The following NME7 variants were observed in gnomAD, a reference collection of about 807,000 sequenced individuals.
NME7 encodes NME/NM23 family member 7.
In NME7, 41 loss-of-function variants were observed where a neutral mutation model predicts 49.1. The observed-to-expected ratio is 0.83, with a 90% CI of 0.65 to 1.08. NME7 has a LOEUF of 1.08. NME7 is among the 50% of genes least tolerant of loss of function. The pLI is 0.00. For missense variants in NME7, 423 were observed against 463.4 expected (o/e 0.91, Z 0.80); for synonymous variants, 139 against 150.6 (o/e 0.92, Z 0.56).
intron 7 of NME7, among the ~76,000 whole-genome samples, chr1:169,252,847 G>C (rs1440588021): frequency 1.3e-4 from 20 of 148,270 alleles, no homozygotes; most frequent in Admixed American, 6.1e-4. Context: ...GTTTTTCTCA[G>C]GTTTGTCAAA....
At chr1:169,146,029 A>G (rs980719210) in intron 11 of NME7, among the ~76,000 whole-genome samples, 6 of 152,144 alleles carry the variant, frequency 3.9e-5, no homozygotes, top group Admixed American at 2.0e-4. Flanking sequence ...GCATACCTGT[A>G]ACCATAATAG....
At chr1:169,196,651 A>G (rs1660388636) in intron 10 of NME7, among the ~76,000 whole-genome samples, 1 of 152,190 alleles carries the variant, frequency 6.6e-6, no homozygotes, top group Non-Finnish European at 1.5e-5. Context: ...AATATTTGCA[A>G]CTTCAACTAC....
intron 10 of NME7, among the ~76,000 whole-genome samples, chr1:169,177,213 G>A (rs1659778794): frequency 6.6e-6 from 1 of 152,046 alleles, no homozygotes; most frequent in African/African-American, 2.4e-5. Context: ...ACCCACTCTT[G>A]GCACTTCTAA....
intron 11 of NME7, among the ~76,000 whole-genome samples, chr1:169,141,405 G>A (rs900862831): frequency 2.6e-5 from 4 of 152,092 alleles, no homozygotes; most frequent in African/African-American, 9.7e-5. Flanking sequence ...GATTACCTTG[G>A]GTATTGATAA....
chr1:169,283,123 G>A (rs1303593844), intron 7 of NME7, among the ~76,000 whole-genome samples: 1 of 151,946 alleles, frequency 6.6e-6, no homozygotes, highest in Non-Finnish European at 1.5e-5. Flanking sequence ...TATGAATCTG[G>A]GTGCGCTTGT....
chr1:169,236,548 AT>A (rs1273189214), intron 8 of NME7, among the ~76,000 whole-genome samples: 2 of 152,080 alleles, frequency 1.3e-5, no homozygotes, highest in Non-Finnish European at 2.9e-5. Context: ...ACATTTCTAT[AT>A]TTTTTTAAAT....
chr1:169,308,680 C>A (rs540760268), intron 4 of NME7, among the ~76,000 whole-genome samples: 6 of 152,084 alleles, frequency 3.9e-5, no homozygotes, highest in Non-Finnish European at 5.9e-5. Context: ...CTAAAAAAAA[C>A]TGAAGAGAAG....
chr1:169,211,818 A>C (rs1660829099), intron 10 of NME7, among the ~76,000 whole-genome samples: 1 of 152,164 alleles, frequency 6.6e-6, no homozygotes, highest in South Asian at 2.1e-4. Context: ...CTGACTTGTA[A>C]ATTTGAATTA....
intron 11 of NME7, among the ~76,000 whole-genome samples, chr1:169,166,781 G>T (rs1014474044): frequency 2.0e-5 from 3 of 152,192 alleles, no homozygotes; most frequent in Admixed American, 1.3e-4. Context: ...AGACAGCCTG[G>T]CCAACATGGT....
chr1:169,179,648 C>T (rs570940736), intron 10 of NME7, among the ~76,000 whole-genome samples: 1 of 152,316 alleles, frequency 6.6e-6, no homozygotes, highest in South Asian at 2.1e-4. Flanking sequence ...AGATCATGTC[C>T]ATTGCAGAAA....
intron 1 of NME7, among the ~76,000 whole-genome samples, chr1:169,338,201 TAC>T (rs1407768058): frequency 1.3e-5 from 2 of 152,222 alleles, no homozygotes; most frequent in East Asian, 3.8e-4. Flanking sequence ...TTTAAAAAAT[TAC>T]AGTTTAAAAT....
intron 1 of NME7, among the ~76,000 whole-genome samples, chr1:169,348,364 CA>C (rs35999944): frequency 0.66 from 84,203 of 127,410 alleles, 25,117 homozygotes; most frequent in East Asian, 0.9. Flanking sequence ...CAAAAAAAAG[CA>C]AAAAAAAAAA....
At position 169,152,344 on chromosome 1, in the gene NME7, C is replaced by T. The variant is rs150781964; in HGVS notation, c.1098+17103G>A. On this transcript the variant is annotated intron_variant, in intron 11 of 11. Coordinates refer to ENST00000367811, the MANE Select transcript of NME7 (RefSeq NM_013330.5). ...CTGAGGTAAGTACTATTATTATTCC[C>T]ACCATAAAGATGAGGCAATTCAGGC... Among the ~76,000 whole-genome samples, 329 of 152,206 alleles carry T rather than the reference C, an allele frequency of 2.2e-3. 6 individuals are homozygous for T. The highest frequency in any genetic ancestry group is 0.017 in the Admixed American group (261 of 15,296).
At chr1:169,168,908 T>C (rs1451868631) in intron 11 of NME7, 1 of 456,352 alleles carries the variant, frequency 2.2e-6, no homozygotes, top group Non-Finnish European at 4.4e-6. Flanking sequence ...ATATATTTAT[T>C]GAACAAATGA....
intron 1 of NME7, among the ~76,000 whole-genome samples, chr1:169,355,269 TTG>T (rs1247699252): frequency 1.8e-4 from 8 of 43,680 alleles, no homozygotes; most frequent in Non-Finnish European, 3.5e-4. Context: ...ATATAATATA[TTG>T]TATATTATAT....
At chr1:169,203,971 C>T (rs1173526668) in intron 10 of NME7, among the ~76,000 whole-genome samples, 2 of 151,996 alleles carry the variant, frequency 1.3e-5, no homozygotes, top group African/African-American at 2.4e-5. Flanking sequence ...ATCTTCCTTC[C>T]TCAGTCTCCC....
chr1:169,212,585 T>G (rs1001714818), intron 10 of NME7, among the ~76,000 whole-genome samples: 1 of 148,900 alleles, frequency 6.7e-6, no homozygotes, highest in Non-Finnish European at 1.5e-5. Context: ...ACTTCACACT[T>G]TAAAACAAAT....
At chr1:169,196,903 G>A (rs1660395590) in intron 10 of NME7, among the ~76,000 whole-genome samples, 1 of 152,094 alleles carries the variant, frequency 6.6e-6, no homozygotes, top group Admixed American at 6.6e-5. Flanking sequence ...AAAAGCCTTT[G>A]ATATACTTGT....
chr1:169,295,606 C>T (rs573155369), intron 6 of NME7, among the ~76,000 whole-genome samples: 3 of 152,256 alleles, frequency 2.0e-5, no homozygotes, highest in South Asian at 2.1e-4. Context: ...TTAACACTTC[C>T]GTCACATTTG....
Sources: gnomAD v4.1 joint callset for allele counts (sites outside exome capture counted in the v4.1 genomes callset) on GRCh38, gnomAD v4.1.1 for gene constraint, MANE v1.5 for transcripts, NCBI Gene and HGNC (gene_info 2026-07-23, HGNC 2026-07-21) for gene names.